The following TMEFF2 variants were observed in gnomAD, a reference collection of about 807,000 sequenced individuals.
The protein encoded by TMEFF2 is tomoregulin-2.
In TMEFF2, 28 loss-of-function variants were observed where a neutral mutation model predicts 53.8. The observed-to-expected ratio is 0.52, with a 90% CI of 0.39 to 0.71. The LOEUF (loss-of-function observed/expected upper bound fraction) is 0.71, where lower values mean the gene tolerates loss of function less well. TMEFF2 is among the 30% of genes least tolerant of loss of function. The pLI is 0.00. For synonymous variants in TMEFF2, 162 were observed against 166.3 expected, an observed-to-expected ratio of 0.97 and a Z score of 0.20; for missense variants, 353 against 455.2, an observed-to-expected ratio of 0.78 and a Z score of 2.04.
intron 4 of TMEFF2, among the ~76,000 whole-genome samples, chr2:192,116,434 T>C (rs970233436): frequency 6.6e-6 from 1 of 152,042 alleles, no homozygotes; most frequent in South Asian, 2.1e-4. Context: ...TTAATAATAA[T>C]GTATTGTATA....
intron 4 of TMEFF2, among the ~76,000 whole-genome samples, chr2:192,174,500 A>G (rs1690989019): frequency 1.3e-5 from 2 of 151,486 alleles, no homozygotes; most frequent in South Asian, 4.1e-4. Flanking sequence ...TCATTACTCC[A>G]TTGCTATACT....
At chr2:192,007,838 T>G (rs1003021686) in intron 5 of TMEFF2, among the ~76,000 whole-genome samples, 6 of 152,136 alleles carry the variant, frequency 3.9e-5, no homozygotes, top group Non-Finnish European at 5.9e-5. Context: ...ATTCACTATA[T>G]GGAAGAAAAG....
At chr2:191,954,926 T>TATTA (rs1692018468) in intron 8 of TMEFF2, among the ~76,000 whole-genome samples, 1 of 152,168 alleles carries the variant, frequency 6.6e-6, no homozygotes, top group South Asian at 2.1e-4. Context: ...GGAACTATTC[T>TATTA]ATTACTTCAC....
At chr2:192,085,946 C>T (rs1222741139) in intron 4 of TMEFF2, among the ~76,000 whole-genome samples, 1 of 152,130 alleles carries the variant, frequency 6.6e-6, no homozygotes, top group African/African-American at 2.4e-5. Flanking sequence ...AGAGCAACTT[C>T]GAAATGCTGC....
chr2:191,950,099 T>C lies in TMEFF2; in HGVS notation c.*212A>G, dbSNP rs968698144. Reference sequence around the variant, plus strand: ...TATATTGTGTGATATAAATAGTTTATTTACATTACAGAAAAAACATCAAGA... The same window carrying C: ...TATATTGTGTGATATAAATAGTTTACTTACATTACAGAAAAAACATCAAGA... On this transcript the variant is annotated 3_prime_UTR_variant, in exon 10 of 10. Coordinates refer to ENST00000272771, the MANE Select transcript of TMEFF2 (RefSeq NM_016192.4). The C allele has an allele frequency of 9.2e-5, 121 of 1,314,676 alleles. No individual in the cohort carries two copies. The highest frequency in any genetic ancestry group is 1.1e-4 in the Non-Finnish European group (116 of 1,027,836). 81.4% of individuals were successfully genotyped at this position (1,314,676 alleles called of 1,614,324 possible). A position where few individuals can be genotyped will look rare whatever the true frequency, so the allele number is the denominator to read the frequency against.
intron 3 of TMEFF2, among the ~76,000 whole-genome samples, chr2:192,180,234 GAAGTCAGT>G (rs982481132): frequency 1.3e-5 from 2 of 151,526 alleles, no homozygotes; most frequent in Non-Finnish European, 3.0e-5. Context: ...CTTTGTTTTT[GAAGTCAGT>G]AGAAGACAGC....
intron 4 of TMEFF2, among the ~76,000 whole-genome samples, chr2:192,137,623 A>G (rs918212907): frequency 6.6e-6 from 1 of 152,058 alleles, no homozygotes. Flanking sequence ...TGGCAAGACC[A>G]ATAGTGGAGA....
intron 4 of TMEFF2, among the ~76,000 whole-genome samples, chr2:192,149,143 G>GT (rs1690324355): frequency 6.6e-6 from 1 of 151,912 alleles, no homozygotes; most frequent in Non-Finnish European, 1.5e-5. Flanking sequence ...TGTCTGATAG[G>GT]TTTTGTTGGA....
At chr2:192,131,948 TTC>T (rs1315803560) in intron 4 of TMEFF2, among the ~76,000 whole-genome samples, 1 of 152,140 alleles carries the variant, frequency 6.6e-6, no homozygotes, top group Non-Finnish European at 1.5e-5. Context: ...CGTCCAGGCA[TTC>T]TTTTACACAT....
In TMEFF2 at chr2:191,953,641, T is replaced by A. The variant is rs772070661; in HGVS notation, c.1028+38A>T. The A allele has an allele frequency of 2.5e-6, 4 of 1,603,720 alleles. No homozygotes were observed. In the African/African-American group the frequency reaches 4.0e-5, roughly 16 times the overall value. ...GATTAAATAAAAGAGTAACAATATA[T>A]CCCTTTATTTGGGTAGCCACCAAGT... On this transcript the variant is annotated intron_variant, in intron 9 of 9. Coordinates refer to ENST00000272771, the MANE Select transcript of TMEFF2 (RefSeq NM_016192.4).
intron 4 of TMEFF2, among the ~76,000 whole-genome samples, chr2:192,098,179 A>C (rs549659431): frequency 3.3e-5 from 5 of 152,348 alleles, no homozygotes; most frequent in African/African-American, 1.2e-4. Flanking sequence ...CATGTTCTTT[A>C]AATACAAAAG....
chr2:191,957,388 C>T (rs1251536642), intron 7 of TMEFF2, among the ~76,000 whole-genome samples: 1 of 151,752 alleles, frequency 6.6e-6, no homozygotes, highest in Non-Finnish European at 1.5e-5. Flanking sequence ...TGAAGGTACT[C>T]TTCAACACCC....
chr2:192,027,647 G>T (rs1430157398), intron 5 of TMEFF2, among the ~76,000 whole-genome samples: 1 of 152,194 alleles, frequency 6.6e-6, no homozygotes, highest in Non-Finnish European at 1.5e-5. Context: ...AACAGGAGAA[G>T]TGATGGGCAG....
intron 5 of TMEFF2, among the ~76,000 whole-genome samples, chr2:192,037,633 AAGAGAGAGAAAGAG>A (rs1268770148): frequency 7.4e-3 from 204 of 27,472 alleles, no homozygotes; most frequent in Middle Eastern, 0.028. Context: ...AGAGGAGAGA[AAGAGAGAGAAAGAG>A]AGAGAGAGAG....
intron 9 of TMEFF2, among the ~76,000 whole-genome samples, chr2:191,952,006 A>C (rs1238493928): frequency 6.6e-6 from 1 of 152,228 alleles, no homozygotes; most frequent in South Asian, 2.1e-4. Context: ...CAGTATGAGC[A>C]TGGTGAAGTG....
At chr2:192,000,976 G>A (rs943843708) in intron 5 of TMEFF2, among the ~76,000 whole-genome samples, 2 of 152,154 alleles carry the variant, frequency 1.3e-5, no homozygotes, top group Admixed American at 1.3e-4. Context: ...CTTGGCATCT[G>A]AAAACCTGAG....
chr2:191,969,141 A>ATATGTG lies in TMEFF2; in HGVS notation c.746-12764_746-12763insCACATA, dbSNP rs1553508554. 5.8e-3 allele frequency among the ~76,000 whole-genome samples: 875 copies of ATATGTG among 150,314 alleles called. 16 individuals carry two copies. Among genetic ancestry groups the ATATGTG allele is most frequent in the African/African-American group, 0.02 (823 of 40,820 alleles). ...TGTTTGTGTATGTGTGTGTGTATCT[A>ATATGTG]TGTGTGTGTGTGTATATATATATAT... On this transcript the variant is annotated intron_variant, in intron 7 of 9. Transcript: ENST00000272771.
chr2:191,950,239 T>TCGTA lies in TMEFF2; in HGVS notation c.*71_*72insTACG. On this transcript the variant is annotated 3_prime_UTR_variant, in exon 10 of 10. Coordinates refer to ENST00000272771, the MANE Select transcript of TMEFF2 (RefSeq NM_016192.4). ...CAACATGTGTAGATCTCTTGTCTTA[T>TCGTA]TCTTTTGTCTATAATACTGTATTGT... is the stretch of plus-strand genomic sequence containing the variant. 2 of 1,259,374 alleles carry TCGTA rather than the reference T, an allele frequency of 1.6e-6. No individual in the cohort carries two copies. The highest frequency in any genetic ancestry group is 1.0e-6 in the Non-Finnish European group (1 of 986,416). The allele number at this position is 1,259,374 out of a possible 1,614,324, so 78.0% of individuals were successfully genotyped here.
chr2:191,952,282 A>G (rs1691909464), intron 9 of TMEFF2, among the ~76,000 whole-genome samples: 1 of 152,224 alleles, frequency 6.6e-6, no homozygotes, highest in Non-Finnish European at 1.5e-5. Flanking sequence ...TATGTATGGG[A>G]ATGCAACTGT....
Sources: allele counts gnomAD v4.1 joint callset (sites outside exome capture counted in the v4.1 genomes callset), GRCh38; gene constraint gnomAD v4.1.1; transcripts MANE v1.5; gene names NCBI Gene and HGNC (gene_info 2026-07-23, HGNC 2026-07-21).